Variants in LPP observed in about 807,000 individuals in gnomAD.
The protein encoded by LPP is lipoma-preferred partner.
Under a neutral mutation model 60.4 loss-of-function variants are expected in LPP, and 38 were observed. That is an observed-to-expected ratio of 0.63 (90% CI 0.49 to 0.83). LPP has a LOEUF of 0.83. Ranked by LOEUF, LPP falls within the 40% of genes least tolerant of loss-of-function variation. LPP has a pLI of 0.00. For missense variants in LPP, 902 were observed against 783.6 expected (o/e 1.15, Z -1.80); for synonymous variants, 328 against 290.8 (o/e 1.13, Z -1.30).
intron 7 of LPP, among the ~76,000 whole-genome samples, chr3:188,692,161 A>T (rs1862265963): frequency 6.6e-6 from 1 of 152,154 alleles, no homozygotes; most frequent in African/African-American, 2.4e-5. Flanking sequence ...AGCCACGTTG[A>T]TCCTCATTTT....
intron 3 of LPP, among the ~76,000 whole-genome samples, chr3:188,379,080 C>A (rs1185674902): frequency 1.3e-5 from 2 of 151,864 alleles, no homozygotes; most frequent in African/African-American, 4.8e-5. Context: ...AGATAAGGAC[C>A]ATTTTCTTTC....
intron 3 of LPP, among the ~76,000 whole-genome samples, chr3:188,372,950 A>G (rs113674297): frequency 0.042 from 6,377 of 151,958 alleles, 196 homozygotes; most frequent in African/African-American, 0.076. Flanking sequence ...GAGTGAGAAC[A>G]TGCGGTGTTT....
At chr3:188,762,121 A>G (rs984035155) in intron 9 of LPP, among the ~76,000 whole-genome samples, 3 of 152,060 alleles carry the variant, frequency 2.0e-5, no homozygotes, top group Non-Finnish European at 2.9e-5. Context: ...TTTTGTTTCA[A>G]CCCTTGTTAG....
In LPP at chr3:188,621,435, C is replaced by G. The variant is rs77983078; in HGVS notation, c.1113+11591C>G. Among the ~76,000 whole-genome samples, 1,006 of 152,216 alleles carry G rather than the reference C, an allele frequency of 6.6e-3. 9 individuals are homozygous for G. Among genetic ancestry groups the G allele is most frequent in the African/African-American group, 0.022 (924 of 41,510 alleles). On this transcript the variant is annotated intron_variant, in intron 7 of 11. Transcript: ENST00000617246. ...AATATGTGGTATTTGGCTTTCTGTCCCTGCATCAATTTGCTTAGGATTATG... is the reference window on the plus strand; with the variant it reads ...AATATGTGGTATTTGGCTTTCTGTCGCTGCATCAATTTGCTTAGGATTATG...
chr3:188,877,611 T>G lies in LPP; in HGVS notation c.*3132T>G. 5.3e-6 allele frequency: 1 copy of G among 187,228 alleles called. No homozygotes were observed. The highest frequency in any genetic ancestry group is 1.1e-5 in the Non-Finnish European group (1 of 88,618). The allele number at this position is 187,228 out of a possible 1,614,324, so 11.6% of individuals were successfully genotyped here. A position where few individuals can be genotyped will look rare whatever the true frequency, so the allele number is the denominator to read the frequency against. On this transcript the variant is annotated 3_prime_UTR_variant, in exon 12 of 12. Coordinates refer to ENST00000617246, the MANE Select transcript of LPP (RefSeq NM_001375462.1). ...TTGTAATCCCAGCAATTTGGGAGGC[T>G]GAGACAGGAGGATTGCCTGAGGCCA...
intron 6 of LPP, chr3:188,568,011 C>A (rs1439166601): frequency 2.0e-5 from 3 of 151,898 alleles, no homozygotes; most frequent in African/African-American, 7.2e-5. Flanking sequence ...ATCCTATTTG[C>A]ACGATCTCGG....
chr3:188,841,423 C>T (rs1336599301), intron 9 of LPP, among the ~76,000 whole-genome samples: 4 of 124,374 alleles, frequency 3.2e-5, no homozygotes, highest in Admixed American at 1.1e-4. Context: ...GATGGAGTCA[C>T]GCTCTGTCAC....
At chr3:188,481,180 C>T (rs763745219) in intron 4 of LPP, among the ~76,000 whole-genome samples, 23 of 152,110 alleles carry the variant, frequency 1.5e-4, no homozygotes, top group African/African-American at 2.2e-4. Flanking sequence ...GAAACTCTCC[C>T]GGTTAGTTTA....
At chr3:188,786,826 C>T (rs542329792) in intron 9 of LPP, among the ~76,000 whole-genome samples, 2 of 152,078 alleles carry the variant, frequency 1.3e-5, no homozygotes, top group African/African-American at 4.8e-5. Context: ...AAGGGCCAAC[C>T]CCCAAAGGCT....
intron 1 of LPP, among the ~76,000 whole-genome samples, chr3:188,201,365 C>T (rs770941544): frequency 6.6e-5 from 10 of 152,050 alleles, no homozygotes; most frequent in Non-Finnish European, 1.2e-4. Flanking sequence ...GTCTGTGATC[C>T]GGTGATTCTC....
At chr3:188,657,775 A>T (rs537884239) in intron 7 of LPP, among the ~76,000 whole-genome samples, 118 of 152,258 alleles carry the variant, frequency 7.7e-4, no homozygotes, top group African/African-American at 2.6e-3. Flanking sequence ...TACCTTTAAA[A>T]ATATATATAA....
chr3:188,641,951 C>T (rs536446326), intron 7 of LPP, among the ~76,000 whole-genome samples: 5 of 152,280 alleles, frequency 3.3e-5, no homozygotes, highest in South Asian at 4.1e-4. Flanking sequence ...CCGGATGGAA[C>T]GGACCTGATC....
intron 7 of LPP, among the ~76,000 whole-genome samples, chr3:188,660,066 T>TTTTTTAGTTTTAAATTCTCATTTGC (rs1854233884): frequency 6.6e-6 from 1 of 152,096 alleles, no homozygotes; most frequent in South Asian, 2.1e-4. Flanking sequence ...CACATATTTG[T>TTTTTTAGTTTTAAATTCTCATTTGC]TTTTTAGTTT....
intron 2 of LPP, among the ~76,000 whole-genome samples, chr3:188,236,324 A>G (rs1045418420): frequency 1.3e-5 from 2 of 152,172 alleles, no homozygotes; most frequent in Non-Finnish European, 2.9e-5. Context: ...AGTATATGTG[A>G]ATGGAGACCT....
chr3:188,230,162 T>C (rs553383739), intron 2 of LPP, among the ~76,000 whole-genome samples: 3 of 152,122 alleles, frequency 2.0e-5, no homozygotes, highest in Non-Finnish European at 2.9e-5. Context: ...CTTGGCTCAC[T>C]GCAACCTCCG....
At chr3:188,462,587 C>CATATATAT (rs1799339704) in intron 4 of LPP, among the ~76,000 whole-genome samples, 9 of 43,162 alleles carry the variant, frequency 2.1e-4, no homozygotes, top group Admixed American at 2.4e-4. Flanking sequence ...TATATATATG[C>CATATATAT]ATGTGTGTGT....
chr3:188,520,513 C>T (rs1316562500), intron 5 of LPP, among the ~76,000 whole-genome samples: 1 of 152,172 alleles, frequency 6.6e-6, no homozygotes, highest in Non-Finnish European at 1.5e-5. Flanking sequence ...ACGGTCCTGC[C>T]CACAACACAT....
At chr3:188,719,898 G>A (rs755316363) in intron 8 of LPP, among the ~76,000 whole-genome samples, 5 of 150,738 alleles carry the variant, frequency 3.3e-5, no homozygotes, top group African/African-American at 4.8e-5. Context: ...GTACTTGGTA[G>A]GCATCTTGTT....
At chr3:188,532,442 A>ATCAC (rs1477706538) in intron 6 of LPP, among the ~76,000 whole-genome samples, 2 of 152,166 alleles carry the variant, frequency 1.3e-5, no homozygotes. Context: ...CAATCAATCA[A>ATCAC]TCAATCAATA....
Sources: gnomAD v4.1 joint callset for allele counts (sites outside exome capture counted in the v4.1 genomes callset) on GRCh38, gnomAD v4.1.1 for gene constraint, MANE v1.5 for transcripts, NCBI Gene and HGNC (gene_info 2026-07-23, HGNC 2026-07-21) for gene names.